Variants in RCOR1 observed in about 807,000 individuals in gnomAD.
RCOR1 encodes REST corepressor.
RCOR1 carries 12 observed loss-of-function variants against 64.0 expected under a neutral mutation model. The ratio of observed to expected loss-of-function variants is 0.19; its 90% CI spans 0.12 to 0.30. RCOR1 has a LOEUF of 0.30. Among genes scored for constraint, RCOR1 ranks in the 10% least tolerant of loss-of-function variants. The pLI, the probability that RCOR1 is intolerant of heterozygous loss-of-function variation, is 1.00. For synonymous variants in RCOR1, 279 were observed against 227.2 expected, an observed-to-expected ratio of 1.23 and a Z score of -2.05; for missense variants, 502 against 621.2, an observed-to-expected ratio of 0.81 and a Z score of 2.04.
intron 2 of RCOR1, among the ~76,000 whole-genome samples, chr14:102,634,672 A>G (rs1339604586): frequency 1.3e-5 from 2 of 150,396 alleles, no homozygotes; most frequent in African/African-American, 2.5e-5. Flanking sequence ...ATACACACAC[A>G]CGTACATACA....
chr14:102,668,207 C>T (rs928981149), intron 2 of RCOR1, among the ~76,000 whole-genome samples: 1 of 152,208 alleles, frequency 6.6e-6, no homozygotes, highest in African/African-American at 2.4e-5. Flanking sequence ...GTGTAAAACA[C>T]TATACCAAAG....
rs577477945 is a variant in RCOR1, at chr14:102,664,970, A to G, written c.362-16925A>G. Among the ~76,000 whole-genome samples the G allele has an allele frequency of 3.2e-4, 48 of 152,276 alleles. 3 individuals are homozygous for G. In the South Asian group the frequency reaches 9.5e-3, roughly 30 times the overall value. ...ATTTTGATCTTTTCCTCGGCTAGCA[A>G]TATGTGGTGTAATACCCTTACATGA... On this transcript the variant is annotated intron_variant, in intron 2 of 11. Transcript: ENST00000262241.
At chr14:102,683,623 C>G (rs190897471) in intron 3 of RCOR1, among the ~76,000 whole-genome samples, 34 of 152,344 alleles carry the variant, frequency 2.2e-4, no homozygotes, top group African/African-American at 7.9e-4. Flanking sequence ...TCTTGGGAAT[C>G]GGAGGATGCT....
chr14:102,673,551 G>A (rs1257734989), intron 2 of RCOR1, among the ~76,000 whole-genome samples: 1 of 151,902 alleles, frequency 6.6e-6, no homozygotes, highest in Non-Finnish European at 1.5e-5. Flanking sequence ...TAGCCAGGAT[G>A]GTCTCGATCT....
chr14:102,721,551 TAA>T, intron 10 of RCOR1, 174 bp downstream of exon 10: 7 of 336,186 alleles, frequency 2.1e-5, no homozygotes, highest in Non-Finnish European at 3.2e-5. Context: ...ACCCTGACTT[TAA>T]AAAAAAAAAA....
At chr14:102,677,350 A>C (rs1196814162) in intron 2 of RCOR1, among the ~76,000 whole-genome samples, 8 of 112,250 alleles carry the variant, frequency 7.1e-5, no homozygotes, top group South Asian at 2.9e-4. Context: ...CCCCCCCCCC[A>C]CCTCCCTCCC....
intron 3 of RCOR1, among the ~76,000 whole-genome samples, chr14:102,694,803 T>C (rs978206688): frequency 2.6e-5 from 4 of 152,238 alleles, no homozygotes; most frequent in Non-Finnish European, 5.9e-5. Flanking sequence ...TGATAACTCA[T>C]TTCTTATTTT....
chr14:102,684,862 T>C (rs1895383508), intron 3 of RCOR1, among the ~76,000 whole-genome samples: 1 of 152,212 alleles, frequency 6.6e-6, no homozygotes, highest in East Asian at 1.9e-4. Context: ...TAACTAGGTG[T>C]AATACTTTAT....
At position 102,700,920 on chromosome 14, in the gene RCOR1, T is replaced by TA. The variant is rs1331548556; in HGVS notation, c.446-357dup. 2.6e-5 allele frequency among the ~76,000 whole-genome samples: 4 copies of TA among 152,330 alleles called. No individual in the cohort carries two copies. The East Asian group carries it at 7.7e-4, about 29-fold the overall frequency. On this transcript the variant is annotated intron_variant, in intron 3 of 11. Transcript: ENST00000262241. ...GAGTTTCACATGGCTAGGAAGGCCT[T>TA]ACAATCATGGTAGAAAGCGAGGAGG...
intron 2 of RCOR1, among the ~76,000 whole-genome samples, chr14:102,613,554 T>A (rs1893681222): frequency 6.6e-6 from 1 of 151,006 alleles, no homozygotes; most frequent in Non-Finnish European, 1.5e-5. Flanking sequence ...TGCCTCAGCC[T>A]CCCGAGTAGC....
chr14:102,609,025 CTTTT>C (rs1004210046), intron 2 of RCOR1, among the ~76,000 whole-genome samples: 20 of 106,990 alleles, frequency 1.9e-4, no homozygotes, highest in South Asian at 1.5e-3. Flanking sequence ...CTGTGCTTCA[CTTTT>C]TTTTTTTTTT....
chr14:102,607,908 T>C (rs1595192043), intron 2 of RCOR1, among the ~76,000 whole-genome samples: 1 of 151,808 alleles, frequency 6.6e-6, no homozygotes, highest in South Asian at 2.1e-4. Context: ...TACAAAAAAT[T>C]AGCCAGGTGT....
At chr14:102,648,192 C>G (rs1205319135) in intron 2 of RCOR1, among the ~76,000 whole-genome samples, 1 of 152,180 alleles carries the variant, frequency 6.6e-6, no homozygotes, top group Non-Finnish European at 1.5e-5. Context: ...AATTCTCCTG[C>G]CTCAGCCTTT....
intron 2 of RCOR1, among the ~76,000 whole-genome samples, chr14:102,678,373 C>T (rs1389786813): frequency 6.6e-6 from 1 of 152,144 alleles, no homozygotes; most frequent in South Asian, 2.1e-4. Flanking sequence ...GATCTTGGCT[C>T]ACTGCAAGCT....
chr14:102,681,960 A>T lies in RCOR1; in HGVS notation c.427A>T (p.Asn143Tyr). ...CATGTTGGTCTGGTCACCCAATCAAAATCTGTCAGAAGCAAAGTGTAAGTC... is the reference window on the plus strand; with the variant it reads ...CATGTTGGTCTGGTCACCCAATCAATATCTGTCAGAAGCAAAGTGTAAGTC... ...LGMLVWSPNQNLSEAKLDEYI... is the reference protein window; with the variant it reads ...LGMLVWSPNQYLSEAKLDEYI... Residue 143 changes from asparagine to tyrosine, a missense_variant, in exon 3 of 12, where the codon AAT becomes TAT. Asn to Tyr is a moderately radical substitution (Grantham distance 143). This residue lies in a region of RCOR1 where 242 missense variants were observed against 204.9 expected (regional missense o/e 1.18). Coordinates refer to ENST00000262241, the MANE Select transcript of RCOR1 (RefSeq NM_015156.4). 6.2e-7 allele frequency: 1 copy of T among 1,613,258 alleles called. No individual in the cohort carries two copies. The highest frequency in any genetic ancestry group is 1.3e-5 in the African/African-American group (1 of 75,024).
At chr14:102,599,960 C>T (rs1037111086) in intron 2 of RCOR1, among the ~76,000 whole-genome samples, 6 of 152,258 alleles carry the variant, frequency 3.9e-5, no homozygotes, top group Admixed American at 6.5e-5. Context: ...CACATCACCA[C>T]GCTTGAGCCC....
chr14:102,704,227 G>A (rs1365983249), intron 4 of RCOR1, among the ~76,000 whole-genome samples: 2 of 152,176 alleles, frequency 1.3e-5, no homozygotes, highest in African/African-American at 2.4e-5. Context: ...CTCTAGTCAT[G>A]CCACTGTCAG....
At chr14:102,694,410 C>G (rs917700795) in intron 3 of RCOR1, among the ~76,000 whole-genome samples, 3 of 152,180 alleles carry the variant, frequency 2.0e-5, no homozygotes, top group African/African-American at 7.2e-5. Flanking sequence ...GCACCCGCCA[C>G]CATGCCCGGC....
chr14:102,592,954 C>G lies in RCOR1; in HGVS notation c.68C>G (p.Ala23Gly), dbSNP rs753582127. 3 of 1,179,020 alleles carry G rather than the reference C, an allele frequency of 2.5e-6. No individual in the cohort carries two copies. In the African/African-American group the frequency reaches 4.9e-5, roughly 19 times the overall value. 73.0% of individuals were successfully genotyped at this position (1,179,020 alleles called of 1,614,324 possible). A position where few individuals can be genotyped will look rare whatever the true frequency, so the allele number is the denominator to read the frequency against. ...GKRRGRNNAA[A>G]SASAAAASAA... The stretch of plus-strand genomic sequence containing the variant: ...CGGAGAGGGAGGAACAACGCGGCCG[C>G]CTCCGCCTCCGCCGCCGCCGCCTCC... Residue 23 changes from alanine (A) to glycine (G), a missense_variant, in exon 1 of 12, where the codon GCC becomes GGC. Coordinates refer to ENST00000262241, the MANE Select transcript of RCOR1 (RefSeq NM_015156.4).
Sources: allele counts gnomAD v4.1 joint callset (sites outside exome capture counted in the v4.1 genomes callset), GRCh38; gene constraint gnomAD v4.1.1; regional missense constraint gnomAD v4.1.1; transcripts MANE v1.5; gene names NCBI Gene and HGNC (gene_info 2026-07-23, HGNC 2026-07-21).